Variants in IQANK1 observed in about 807,000 individuals in gnomAD.
The protein encoded by IQANK1 is IQ motif and ankyrin repeat domain-containing protein 1.
In IQANK1, 30 loss-of-function variants were observed where a neutral mutation model predicts 22.6. The observed-to-expected ratio is 1.33, with a 90% CI of 0.99 to 1.80. The LOEUF (loss-of-function observed/expected upper bound fraction) is 1.80, where lower values mean the gene tolerates loss of function less well. Among genes scored for constraint, IQANK1 ranks in the 40% most tolerant of loss-of-function variants. IQANK1 has a pLI of 0.00. For missense variants in IQANK1, 275 were observed against 235.2 expected (o/e 1.17, Z -1.11); for synonymous variants, 122 against 99.6 (o/e 1.23, Z -1.34).
intron 3 of IQANK1, among the ~76,000 whole-genome samples, chr8:143,750,551 A>G (rs1819169115): frequency 6.6e-6 from 1 of 152,148 alleles, no homozygotes; most frequent in Non-Finnish European, 1.5e-5. Flanking sequence ...AGTGATAAGG[A>G]GAGACTGGGC....
intron 3 of IQANK1, among the ~76,000 whole-genome samples, chr8:143,766,035 C>G (rs1179181139): frequency 6.6e-6 from 1 of 152,158 alleles, no homozygotes; most frequent in African/African-American, 2.4e-5. Flanking sequence ...ATTTCCCTCC[C>G]CACAGCAGTG....
At chr8:143,736,103 G>C (rs1818730624) in intron 2 of IQANK1, among the ~76,000 whole-genome samples, 165 bp downstream of exon 2, 1 of 151,694 alleles carries the variant, frequency 6.6e-6, no homozygotes, top group Non-Finnish European at 1.5e-5. Flanking sequence ...TGAGGGTTCA[G>C]AGCCCATTCA....
chr8:143,738,351 G>A (rs1337640158), intron 2 of IQANK1, among the ~76,000 whole-genome samples: 1 of 152,214 alleles, frequency 6.6e-6, no homozygotes, highest in Non-Finnish European at 1.5e-5. Flanking sequence ...GTGGCCGTGT[G>A]CTCCCACGCC....
In IQANK1 at chr8:143,790,633, G is replaced by T. The variant is rs1056907923; in HGVS notation, c.*25G>T. The T allele has an allele frequency of 2.5e-6, 1 of 398,654 alleles. No individual in the cohort carries two copies. 24.7% of individuals were successfully genotyped at this position (398,654 alleles called of 1,614,324 possible). ...GTGCTGGCCCCAGTCCCAATAAAAC[G>T]TGTGCCCCGGGGCGCGGTGCTGCAT... On this transcript the variant is annotated 3_prime_UTR_variant, in exon 14 of 14. Coordinates refer to ENST00000527139, the MANE Select transcript of IQANK1 (RefSeq NM_001381874.1).
intron 7 of IQANK1, among the ~76,000 whole-genome samples, chr8:143,773,317 CAAAA>C (rs112006229): frequency 7.5e-6 from 1 of 133,662 alleles, no homozygotes; most frequent in Non-Finnish European, 1.6e-5. Flanking sequence ...AAAAAAAAAA[CAAAA>C]AAAACACAAA....
At chr8:143,751,481 A>G (rs1043971780) in intron 3 of IQANK1, among the ~76,000 whole-genome samples, 3 of 151,132 alleles carry the variant, frequency 2.0e-5, no homozygotes, top group Non-Finnish European at 4.4e-5. Context: ...GTGTGGTGGC[A>G]GGTGCCTGTA....
At chr8:143,785,219 T>C (rs1261259333) in intron 7 of IQANK1, among the ~76,000 whole-genome samples, 2 of 152,064 alleles carry the variant, frequency 1.3e-5, no homozygotes, top group Admixed American at 1.3e-4. Context: ...TTTGTTTATA[T>C]TGCCTTGTAT....
chr8:143,787,822 T>G (rs782590677), intron 7 of IQANK1, among the ~76,000 whole-genome samples: 71 of 151,996 alleles, frequency 4.7e-4, no homozygotes, highest in South Asian at 1.5e-3. Flanking sequence ...ATGCGGCCGC[T>G]CACCCGCGCA....
intron 3 of IQANK1, among the ~76,000 whole-genome samples, chr8:143,770,959 A>C (rs1819559516): frequency 6.6e-6 from 1 of 152,174 alleles, no homozygotes; most frequent in Admixed American, 6.5e-5. Context: ...GCTCGGGCTC[A>C]GCGCTCCGTT....
intron 3 of IQANK1, among the ~76,000 whole-genome samples, chr8:143,748,497 A>G (rs1819078380): frequency 7.1e-6 from 1 of 140,186 alleles, no homozygotes; most frequent in African/African-American, 2.6e-5. Context: ...TAGATGATAT[A>G]TATGATATAT....
chr8:143,776,346 GAAAAAGA>G (rs1180352994), intron 7 of IQANK1, among the ~76,000 whole-genome samples: 25 of 118,568 alleles, frequency 2.1e-4, no homozygotes, highest in African/African-American at 6.7e-4. Context: ...AAAAAAAAAA[GAAAAAGA>G]AAAAAGAAAA....
intron 7 of IQANK1, among the ~76,000 whole-genome samples, chr8:143,787,627 G>C (rs7014307): frequency 0.022 from 3,401 of 152,216 alleles, 142 homozygotes; most frequent in African/African-American, 0.076. Flanking sequence ...TCTGTGGCCA[G>C]TCTCCTGGAA....
chr8:143,753,858 T>C (rs1819240142), intron 3 of IQANK1, among the ~76,000 whole-genome samples: 1 of 152,188 alleles, frequency 6.6e-6, no homozygotes, highest in African/African-American at 2.4e-5. Flanking sequence ...AACTGGACAT[T>C]TGAATCTAAT....
intron 3 of IQANK1, chr8:143,759,419 C>T (rs368158601): frequency 2.6e-5 from 4 of 153,114 alleles, no homozygotes; most frequent in Non-Finnish European, 4.4e-5. Flanking sequence ...GTCTGACTCC[C>T]GCTCTTCCTG....
intron 8 of IQANK1, 41 bp downstream of exon 8, chr8:143,789,104 A>G: frequency 1.0e-5 from 4 of 401,644 alleles, no homozygotes; most frequent in Admixed American, 4.4e-5. Flanking sequence ...GGTGCTGGCA[A>G]GGGGCGCTGG....
intron 3 of IQANK1, among the ~76,000 whole-genome samples, chr8:143,754,994 C>A (rs1819264352): frequency 6.6e-6 from 1 of 152,140 alleles, no homozygotes; most frequent in African/African-American, 2.4e-5. Flanking sequence ...TCACTGTGTT[C>A]TCTTGGTTAG....
chr8:143,745,181 C>T (rs1819002763), intron 3 of IQANK1: 1 of 152,262 alleles, frequency 6.6e-6, no homozygotes, highest in South Asian at 2.1e-4. Flanking sequence ...GTCTGAATTT[C>T]ACTCAAATCT....
At chr8:143,765,229 C>T (rs150520849) in intron 3 of IQANK1, among the ~76,000 whole-genome samples, 131 of 151,952 alleles carry the variant, frequency 8.6e-4, no homozygotes, top group Middle Eastern at 3.4e-3. Flanking sequence ...TGGTGGCGCA[C>T]GCCTGTAATC....
At chr8:143,769,094 G>A (rs1242228676) in intron 3 of IQANK1, among the ~76,000 whole-genome samples, 2 of 151,580 alleles carry the variant, frequency 1.3e-5, no homozygotes, top group Non-Finnish European at 2.9e-5. Context: ...ACAGGGTCTC[G>A]CTCTGTTGTC....
Sources: allele counts gnomAD v4.1 joint callset (sites outside exome capture counted in the v4.1 genomes callset), GRCh38; gene constraint gnomAD v4.1.1; transcripts MANE v1.5; gene names NCBI Gene and HGNC (gene_info 2026-07-23, HGNC 2026-07-21).